Variants in TATDN1 observed in about 807,000 individuals in gnomAD.
TATDN1 encodes the protein deoxyribonuclease TATDN1.
In TATDN1, 40 loss-of-function variants were observed where a neutral mutation model predicts 46.4. The observed-to-expected ratio is 0.86, with a 90% CI of 0.67 to 1.12. TATDN1 has a LOEUF of 1.12. TATDN1 is among the 50% of genes most tolerant of loss of function. The probability of loss-of-function intolerance (pLI) is 0.00; values close to 1 mark genes in which losing one functional copy is unlikely to be tolerated. For synonymous variants in TATDN1, 95 were observed against 105.6 expected, an observed-to-expected ratio of 0.90 and a Z score of 0.62; for missense variants, 326 against 348.4, an observed-to-expected ratio of 0.94 and a Z score of 0.51.
Position 124,522,919 on chromosome 8 carries a change from A to G in TATDN1, c.88+18T>C. On this transcript the variant is annotated intron_variant, in intron 2 of 11. Transcript: ENST00000276692. ...GTCTTCATAGGAAACTATTCGCCTT[A>G]ATAAAGGAAATATTTACCTTGATGC... 6.2e-7 allele frequency: 1 copy of G among 1,607,390 alleles called. No individual in the cohort carries two copies. The highest frequency in any genetic ancestry group is 8.5e-7 in the Non-Finnish European group (1 of 1,174,288).
chr8:124,531,063 C>G (rs1820910037), intron 1 of TATDN1, among the ~76,000 whole-genome samples: 1 of 152,060 alleles, frequency 6.6e-6, no homozygotes, highest in African/African-American at 2.4e-5. Flanking sequence ...ATGTCTCTTC[C>G]ACTACTTGTC....
At chr8:124,506,937 G>A (rs1349634489) in intron 8 of TATDN1, among the ~76,000 whole-genome samples, 2 of 152,058 alleles carry the variant, frequency 1.3e-5, no homozygotes, top group Non-Finnish European at 2.9e-5. Context: ...CTGATGGGGG[G>A]AGGATCATGA....
intron 3 of TATDN1, among the ~76,000 whole-genome samples, chr8:124,520,859 C>T (rs907670776): frequency 5.4e-5 from 8 of 147,006 alleles, no homozygotes; most frequent in African/African-American, 1.8e-4. Context: ...AGGAGAATGG[C>T]GTGAACCCGG....
intron 9 of TATDN1, 147 bp downstream of exon 9, chr8:124,504,124 T>C: frequency 1.4e-6 from 1 of 709,952 alleles, no homozygotes; most frequent in South Asian, 2.5e-5. Flanking sequence ...AATTTCTTAA[T>C]AAATAATTAC....
At chr8:124,505,958 T>C (rs538226014) in intron 8 of TATDN1, among the ~76,000 whole-genome samples, 2 of 151,898 alleles carry the variant, frequency 1.3e-5, no homozygotes, top group Middle Eastern at 3.4e-3. Flanking sequence ...AATTTCTTTT[T>C]TGGTAAAAGT....
At chr8:124,528,084 C>T (rs773163092) in intron 1 of TATDN1, among the ~76,000 whole-genome samples, 20 of 152,100 alleles carry the variant, frequency 1.3e-4, no homozygotes, top group Non-Finnish European at 1.8e-4. Flanking sequence ...TTTCCCAGGC[C>T]AGTTGGAAGC....
rs763747721 is a variant in TATDN1, at chr8:124,539,021, T to C, written c.22+4A>G. 6 of 1,614,032 alleles carry C rather than the reference T, an allele frequency of 3.7e-6. No homozygotes were observed. In the African/African-American group the frequency reaches 5.3e-5, roughly 14 times the overall value. On this transcript the variant is annotated splice_donor_region_variant and intron_variant, in intron 1 of 11. Coordinates refer to ENST00000276692, the MANE Select transcript of TATDN1 (RefSeq NM_032026.4). ...CCCAAGGGCGTGGAAAACGCTCCTC[T>C]TACCGATAAACTTGAAGCGACTCAT...
Position 124,508,489 on chromosome 8 carries a change from C to G in TATDN1, c.501G>C (p.Arg167=). 6.2e-7 allele frequency: 1 copy of G among 1,613,202 alleles called. No individual in the cohort carries two copies. Among genetic ancestry groups the G allele is most frequent in the Non-Finnish European group, 8.5e-7 (1 of 1,179,372 alleles). Residue 167 remains arginine (R), a synonymous_variant, in exon 8 of 12, where the codon CGG becomes CGC. Coordinates refer to ENST00000276692, the MANE Select transcript of TATDN1 (RefSeq NM_032026.4). ...TTATACTTACCACTCCCCCTACACACCGATCTCTATTTCTTTTCATTATGT... is the reference window on the plus strand; with the variant it reads ...TTATACTTACCACTCCCCCTACACAGCGATCTCTATTTCTTTTCATTATGT... The part of the protein sequence containing the change: ...FLDIMKRNRD[R]CVGGVVHSFD...
Position 124,525,987 on chromosome 8 carries a change from C to A in TATDN1, c.23-2985G>T, listed in dbSNP as rs576174122. Among the ~76,000 whole-genome samples, 21 of 152,250 alleles carry A rather than the reference C, an allele frequency of 1.4e-4. 2 individuals carry two copies. The South Asian group carries it at 4.4e-3, about 32-fold the overall frequency. On this transcript the variant is annotated intron_variant, in intron 1 of 11. Coordinates refer to ENST00000276692, the MANE Select transcript of TATDN1 (RefSeq NM_032026.4). ...GGCATTTAAAATGTTCACAGCAGTC[C>A]AAGCTCACTCCCCTTTGAGCTACAT...
intron 1 of TATDN1, among the ~76,000 whole-genome samples, chr8:124,524,294 T>C (rs186868915): frequency 6.6e-6 from 1 of 152,190 alleles, no homozygotes; most frequent in South Asian, 2.1e-4. Context: ...GGCACTAACA[T>C]GTCAACAAAG....
chr8:124,514,964 GT>G (rs956837257), intron 6 of TATDN1, among the ~76,000 whole-genome samples: 1 of 151,928 alleles, frequency 6.6e-6, no homozygotes, highest in Non-Finnish European at 1.5e-5. Context: ...TTTCTTGCTG[GT>G]TTTTTTTAGA....
intron 6 of TATDN1, among the ~76,000 whole-genome samples, 157 bp downstream of exon 6, chr8:124,515,589 A>G (rs570660095): frequency 6.6e-6 from 1 of 152,362 alleles, no homozygotes; most frequent in Non-Finnish European, 1.5e-5. Context: ...AATTACATGC[A>G]AGTATGCATG....
chr8:124,537,443 A>G (rs765838482), intron 1 of TATDN1, among the ~76,000 whole-genome samples: 2 of 152,198 alleles, frequency 1.3e-5, no homozygotes, highest in Admixed American at 6.5e-5. Context: ...TGGGCTAGAA[A>G]AGTGGGCAGG....
intron 11 of TATDN1, among the ~76,000 whole-genome samples, chr8:124,491,844 CATAATT>C (rs1817022135): frequency 6.6e-6 from 1 of 152,178 alleles, no homozygotes. Context: ...CTTGCCAACT[CATAATT>C]AGCAGTAGAT....
At chr8:124,495,128 T>C (rs1817354367) in intron 10 of TATDN1, 1 of 301,222 alleles carries the variant, frequency 3.3e-6, no homozygotes, top group East Asian at 9.7e-5. Flanking sequence ...AAAGACACTG[T>C]GTAAACAAAA....
At chr8:124,532,085 G>GGGAGGAGGA (rs558567492) in intron 1 of TATDN1, among the ~76,000 whole-genome samples, 1 of 151,748 alleles carries the variant, frequency 6.6e-6, no homozygotes, top group African/African-American at 2.4e-5. Context: ...GAGCAAGGGG[G>GGGAGGAGGA]GGAGGAGGAG....
intron 9 of TATDN1, among the ~76,000 whole-genome samples, chr8:124,498,310 C>T (rs1817658400): frequency 6.6e-6 from 1 of 152,056 alleles, no homozygotes; most frequent in Non-Finnish European, 1.5e-5. Context: ...GTATAGGGAG[C>T]TAATTGTTAG....
intron 1 of TATDN1, among the ~76,000 whole-genome samples, chr8:124,525,272 A>C (rs1409514545): frequency 6.6e-6 from 1 of 151,962 alleles, no homozygotes; most frequent in Non-Finnish European, 1.5e-5. Context: ...CAGCCTCCCA[A>C]GTAGCTGGGA....
chr8:124,536,564 C>T (rs1016213676), intron 1 of TATDN1, among the ~76,000 whole-genome samples: 2 of 152,098 alleles, frequency 1.3e-5, no homozygotes, highest in African/African-American at 2.4e-5. Context: ...AAAACCCCCA[C>T]TGTTGGGGTA....
Sources: allele counts gnomAD v4.1 joint callset (sites outside exome capture counted in the v4.1 genomes callset), GRCh38; gene constraint gnomAD v4.1.1; transcripts MANE v1.5; gene names NCBI Gene and HGNC (gene_info 2026-07-23, HGNC 2026-07-21).